Variants in ZNF44 observed in about 807,000 individuals in gnomAD.
ZNF44 encodes the protein gonadotropin inducible transcription repressor-2.
In ZNF44, 9 loss-of-function variants were observed where a neutral mutation model predicts 11.7. That is an observed-to-expected ratio of 0.77 (90% CI 0.46 to 1.35). The LOEUF (loss-of-function observed/expected upper bound fraction) is 1.35. ZNF44 is among the 40% of genes most tolerant of loss of function. The pLI, the probability that ZNF44 is intolerant of heterozygous loss-of-function variation, is 0.00. For synonymous variants in ZNF44, 224 were observed against 242.7 expected (o/e 0.92, Z 0.72); for missense variants, 696 against 743.1 (o/e 0.94, Z 0.74).
chr19:12,293,174 G>A, intron 1 of ZNF44: 1 of 1,512,426 alleles, frequency 6.6e-7, no homozygotes. Context: ...CCAGCCCAGG[G>A]GTTAGCTTTT....
chr19:12,247,898 A>G (rs1916821689), exon 8 of ZNF44: 4 of 1,329,448 alleles, frequency 3.0e-6, no homozygotes, highest in Non-Finnish European at 4.0e-6. Flanking sequence ...CATGTTTTTG[A>G]GCAGTACAGT....
chr19:12,294,667 AG>A (rs1476707946), intron 1 of ZNF44, 24 bp downstream of exon 1: 2 of 1,557,560 alleles, frequency 1.3e-6, no homozygotes. Flanking sequence ...GCCCTGCCTC[AG>A]GACGCCGGGC....
downstream of ZNF44, among the ~76,000 whole-genome samples, chr19:12,225,702 C>A: frequency 1.3e-5 from 2 of 152,136 alleles, no homozygotes; most frequent in Middle Eastern, 6.8e-3. Context: ...ACACGGGTGG[C>A]GTAGTAAATA....
chr19:12,265,752 A>G (rs1041793035), intron 5 of ZNF44, among the ~76,000 whole-genome samples: 4 of 152,228 alleles, frequency 2.6e-5, no homozygotes, highest in Non-Finnish European at 5.9e-5. Flanking sequence ...TCCACGAACA[A>G]CAACAAAATT....
intron 5 of ZNF44, among the ~76,000 whole-genome samples, chr19:12,259,037 G>A (rs971783245): frequency 6.6e-6 from 1 of 151,962 alleles, no homozygotes; most frequent in Admixed American, 6.6e-5. Flanking sequence ...ACTACACCCG[G>A]CTAATTTTTG....
chr19:12,293,454 A>T, intron 1 of ZNF44: 1 of 1,356,722 alleles, frequency 7.4e-7, no homozygotes, highest in Non-Finnish European at 9.7e-7. Flanking sequence ...CCTAGGGGAG[A>T]TAAAAGAGGC....
At position 12,273,655 on chromosome 19, in the gene ZNF44, T is replaced by C. The variant is rs1414945554; in HGVS notation, c.600A>G (p.Glu200=). 1 of 1,614,134 alleles carries C rather than the reference T, an allele frequency of 6.2e-7. No homozygotes were observed. Among genetic ancestry groups the C allele is most frequent in the Non-Finnish European group, 8.5e-7 (1 of 1,180,020 alleles). ...GCCAAAAAAAGGCTTTCCCACACAA[T>C]TCACATTTATAAGGTCCATCTCCAC... ...VKGGDGPYKC[E]LCGKAFFWPS... The change falls in exon 4 of 4, where the codon GAA becomes GAG. Residue 200 remains glutamate, a synonymous_variant. Coordinates refer to ENST00000355684, the MANE Select transcript of ZNF44 (RefSeq NM_016264.4).
At chr19:12,266,333 G>C (rs1599518002) in intron 5 of ZNF44, 1 of 985,408 alleles carries the variant, frequency 1.0e-6, no homozygotes, top group East Asian at 1.1e-4. Flanking sequence ...GGCCACAGCA[G>C]GGCAAATCGC....
In ZNF44 at chr19:12,274,963, T is replaced by C. The variant is rs1158077242; in HGVS notation, c.191+10A>G. 1.9e-6 allele frequency: 3 copies of C among 1,578,684 alleles called. No homozygotes were observed. In the East Asian group the frequency reaches 7.0e-5, roughly 37 times the overall value. ...AAGGACATCACCTGTCTCTTATAAG[T>C]ACAAATTACCTTGGATTTCTCCTGA... is the stretch of plus-strand genomic sequence containing the variant. On this transcript the variant is annotated intron_variant, in intron 3 of 3. Transcript: ENST00000355684.
downstream of ZNF44, among the ~76,000 whole-genome samples, chr19:12,268,061 T>A (rs760461758): frequency 2.6e-5 from 4 of 151,418 alleles, no homozygotes; most frequent in Non-Finnish European, 5.9e-5. Context: ...AGTCTCAAAC[T>A]CCTAACCTCA....
upstream of ZNF44, among the ~76,000 whole-genome samples, chr19:12,240,762 T>C (rs375601524): frequency 1.1e-4 from 16 of 152,282 alleles, no homozygotes; most frequent in East Asian, 2.3e-3. Context: ...AAGAATAAAG[T>C]TGGACCCTTA....
chr19:12,292,158 T>C (rs1315978939), intron 1 of ZNF44, among the ~76,000 whole-genome samples: 1 of 151,864 alleles, frequency 6.6e-6, no homozygotes, highest in East Asian at 1.9e-4. Context: ...GGAAACCCCA[T>C]CACTACAAAA....
intron 3 of ZNF44, among the ~76,000 whole-genome samples, chr19:12,227,823 G>A (rs566940549): frequency 1.4e-4 from 21 of 152,220 alleles, no homozygotes; most frequent in African/African-American, 5.1e-4. Context: ...ACACCATTTT[G>A]TATTTGACAA....
At chr19:12,236,048 G>A (rs147586399) in intron 1 of ZNF44, among the ~76,000 whole-genome samples, 5 of 152,224 alleles carry the variant, frequency 3.3e-5, no homozygotes, top group South Asian at 2.1e-4. Context: ...AAGAGCTATC[G>A]CTCTGTGAAA....
intron 5 of ZNF44, among the ~76,000 whole-genome samples, chr19:12,262,671 C>G (rs1846937913): frequency 6.6e-6 from 1 of 152,124 alleles, no homozygotes; most frequent in Non-Finnish European, 1.5e-5. Flanking sequence ...TACCCGAGAA[C>G]TTCAATGCAC....
intron 5 of ZNF44, among the ~76,000 whole-genome samples, chr19:12,260,826 C>A (rs754851712): frequency 6.6e-6 from 1 of 152,124 alleles, no homozygotes; most frequent in Non-Finnish European, 1.5e-5. Context: ...AAAGCATGTG[C>A]TCCCAGTAAG....
chr19:12,242,687 A>AAT (rs1555735284), downstream of ZNF44: 2 of 150,574 alleles, frequency 1.3e-5, no homozygotes, highest in Non-Finnish European at 3.0e-5. Flanking sequence ...AAAAAAAAAA[A>AAT]ATATGATTTA....
chr19:12,277,514 G>A (rs1387417123), intron 1 of ZNF44, among the ~76,000 whole-genome samples: 1 of 151,910 alleles, frequency 6.6e-6, no homozygotes, highest in Non-Finnish European at 1.5e-5. Flanking sequence ...GTCTAAAGAT[G>A]CTTAAAAAAA....
chr19:12,273,668 G>C lies in ZNF44; in HGVS notation c.587C>G (p.Pro196Arg). ...RHMVVKGGDGPYKCELCGKAF... is the reference protein window; with the variant it reads ...RHMVVKGGDGRYKCELCGKAF... Reference sequence around the variant, plus strand: ...TTTCCCACACAATTCACATTTATAAGGTCCATCTCCACCTTTTACTACCAT... The same window carrying C: ...TTTCCCACACAATTCACATTTATAACGTCCATCTCCACCTTTTACTACCAT... Residue 196 changes from proline to arginine, a missense_variant, in exon 4 of 4, where the codon CCT becomes CGT. Coordinates refer to ENST00000355684, the MANE Select transcript of ZNF44 (RefSeq NM_016264.4). The C allele has an allele frequency of 6.2e-7, 1 of 1,614,164 alleles. No homozygotes were observed. The highest frequency in any genetic ancestry group is 8.5e-7 in the Non-Finnish European group (1 of 1,180,024).
Sources: allele counts gnomAD v4.1 joint callset (sites outside exome capture counted in the v4.1 genomes callset), GRCh38; gene constraint gnomAD v4.1.1; transcripts MANE v1.5; gene names NCBI Gene and HGNC (gene_info 2026-07-23, HGNC 2026-07-21).